The following ALK variants were observed in gnomAD, a reference collection of about 807,000 sequenced individuals.
The protein encoded by ALK is ALK receptor tyrosine kinase, also known as ALK tyrosine kinase receptor.
In ALK, 74 loss-of-function variants were observed where a neutral mutation model predicts 163.1. The ratio of observed to expected loss-of-function variants is 0.45; its 90% CI spans 0.38 to 0.55. ALK has a LOEUF of 0.55. Ranked by LOEUF, ALK falls within the 20% of genes least tolerant of loss-of-function variation. The probability of loss-of-function intolerance (pLI) is 0.00; values close to 1 mark genes in which losing one functional copy is unlikely to be tolerated. For missense variants in ALK, 2,063 were observed against 2,105.3 expected (o/e 0.98, Z 0.39); for synonymous variants, 960 against 843.2 (o/e 1.14, Z -2.40).
intron 1 of ALK, among the ~76,000 whole-genome samples, chr2:29,855,970 A>G (rs1216050360): frequency 6.6e-6 from 1 of 152,244 alleles, no homozygotes; most frequent in African/African-American, 2.4e-5. Flanking sequence ...TTTAAAATTC[A>G]TGATAATTAC....
chr2:29,776,608 C>T (rs535438919), intron 1 of ALK, among the ~76,000 whole-genome samples: 7 of 152,034 alleles, frequency 4.6e-5, no homozygotes, highest in Admixed American at 6.6e-5. Context: ...CATTAGCTCC[C>T]GGAGGCTAAG....
chr2:29,245,934 G>A (rs1447279524), intron 12 of ALK, among the ~76,000 whole-genome samples: 1 of 152,222 alleles, frequency 6.6e-6, no homozygotes, highest in Non-Finnish European at 1.5e-5. Context: ...TGCACACGCT[G>A]GTGCCCCAGG....
intron 1 of ALK, among the ~76,000 whole-genome samples, chr2:29,885,583 G>C (rs1411308194): frequency 1.5e-4 from 22 of 149,696 alleles, no homozygotes; most frequent in Admixed American, 1.4e-3. Flanking sequence ...AAAGGGTGGA[G>C]AATGAATGCT....
At chr2:29,200,798 C>CGTAT (rs755970086) in intron 26 of ALK, among the ~76,000 whole-genome samples, 19 of 80,364 alleles carry the variant, frequency 2.4e-4, no homozygotes, top group South Asian at 1.9e-3. Flanking sequence ...TACATGTATA[C>CGTAT]ATATATATGT....
chr2:29,408,454 G>A (rs1264053619), intron 4 of ALK, among the ~76,000 whole-genome samples: 4 of 152,082 alleles, frequency 2.6e-5, no homozygotes, highest in Admixed American at 2.6e-4. Context: ...GGGGTAACAA[G>A]CCCGATGGAG....
Position 29,920,712 on chromosome 2 carries a change from C to T in ALK, c.-53G>A. Reference sequence around the variant, plus strand: ...TCTCCGGGCCCAGCCTCACCCTTCGCTCTCCCCGAGATGGGAAGAGGCTCT... The same window carrying T: ...TCTCCGGGCCCAGCCTCACCCTTCGTTCTCCCCGAGATGGGAAGAGGCTCT... On this transcript the variant is annotated 5_prime_UTR_variant, in exon 1 of 29. Coordinates refer to ENST00000389048, the MANE Select transcript of ALK (RefSeq NM_004304.5). The T allele has an allele frequency of 6.8e-7, 1 of 1,472,078 alleles. No individual in the cohort carries two copies. The highest frequency in any genetic ancestry group is 2.5e-5 in the East Asian group (1 of 40,534). The allele number at this position is 1,472,078 out of a possible 1,614,324, so 91.2% of individuals were successfully genotyped here. A position where few individuals can be genotyped will look rare whatever the true frequency, so the allele number is the denominator to read the frequency against.
At chr2:29,761,654 AGTCCCTCAGT>A (rs1381326990) in intron 1 of ALK, among the ~76,000 whole-genome samples, 1 of 152,218 alleles carries the variant, frequency 6.6e-6, no homozygotes, top group Non-Finnish European at 1.5e-5. Flanking sequence ...CTCACTGGGG[AGTCCCTCAGT>A]GTCCACCCAT....
intron 1 of ALK, among the ~76,000 whole-genome samples, chr2:29,825,207 T>C (rs1665163810): frequency 6.6e-6 from 1 of 152,250 alleles, no homozygotes; most frequent in African/African-American, 2.4e-5. Flanking sequence ...TTCTTTGTTT[T>C]GTAAATTGCC....
intron 5 of ALK, among the ~76,000 whole-genome samples, chr2:29,353,105 T>C (rs577916666): frequency 6.6e-6 from 1 of 152,352 alleles, no homozygotes; most frequent in Non-Finnish European, 1.5e-5. Context: ...TGCAAGATTC[T>C]GAACCTCCTC....
chr2:29,349,430 C>T (rs1352506244), intron 5 of ALK, among the ~76,000 whole-genome samples: 1 of 152,164 alleles, frequency 6.6e-6, no homozygotes, highest in Non-Finnish European at 1.5e-5. Flanking sequence ...GCAACACTGG[C>T]TTAATAGTCC....
intron 4 of ALK, among the ~76,000 whole-genome samples, chr2:29,455,253 G>C (rs886627985): frequency 1.3e-5 from 2 of 152,188 alleles, no homozygotes; most frequent in Non-Finnish European, 2.9e-5. Flanking sequence ...CAGCAGACTG[G>C]AGTCCTGCCT....
chr2:29,608,164 C>T (rs572815031), intron 3 of ALK, among the ~76,000 whole-genome samples: 27 of 152,244 alleles, frequency 1.8e-4, no homozygotes, highest in Admixed American at 1.6e-3. Context: ...AAAGAACACC[C>T]GCATGCCACA....
At chr2:29,473,143 T>C (rs1337934523) in intron 4 of ALK, among the ~76,000 whole-genome samples, 2 of 152,218 alleles carry the variant, frequency 1.3e-5, no homozygotes, top group Non-Finnish European at 2.9e-5. Flanking sequence ...TAAAACAGTG[T>C]GGTACTTGTG....
At chr2:29,908,110 C>A (rs1338587268) in intron 1 of ALK, among the ~76,000 whole-genome samples, 1 of 152,186 alleles carries the variant, frequency 6.6e-6, no homozygotes, top group African/African-American at 2.4e-5. Context: ...GAATAATCTG[C>A]AGTCAACACG....
intron 1 of ALK, among the ~76,000 whole-genome samples, chr2:29,914,698 A>C (rs1186300673): frequency 6.6e-6 from 1 of 152,212 alleles, no homozygotes; most frequent in Non-Finnish European, 1.5e-5. Context: ...ATTTCAAGGA[A>C]TTTTTCCAAG....
chr2:29,872,056 G>C (rs1666590815), intron 1 of ALK, among the ~76,000 whole-genome samples: 1 of 152,150 alleles, frequency 6.6e-6, no homozygotes, highest in East Asian at 1.9e-4. Context: ...TGGACACACT[G>C]ACCCACAGAT....
chr2:29,747,954 A>T (rs577228957), intron 1 of ALK, among the ~76,000 whole-genome samples: 2 of 152,346 alleles, frequency 1.3e-5, no homozygotes, highest in East Asian at 3.9e-4. Flanking sequence ...AAGCTACATA[A>T]AACTAACTAG....
intron 3 of ALK, among the ~76,000 whole-genome samples, chr2:29,557,256 T>C (rs1673888149): frequency 6.6e-6 from 1 of 152,234 alleles, no homozygotes; most frequent in South Asian, 2.1e-4. Context: ...TTAAGCAGCC[T>C]GGAGCAGATA....
chr2:29,560,112 A>G (rs1673979327), intron 3 of ALK, among the ~76,000 whole-genome samples: 1 of 152,236 alleles, frequency 6.6e-6, no homozygotes, highest in African/African-American at 2.4e-5. Flanking sequence ...CCCAAGTGCA[A>G]TGAAAACATA....
Sources: allele counts gnomAD v4.1 joint callset (sites outside exome capture counted in the v4.1 genomes callset), GRCh38; gene constraint gnomAD v4.1.1; transcripts MANE v1.5; gene names NCBI Gene and HGNC (gene_info 2026-07-23, HGNC 2026-07-21).